The following CEACAM1 variants were observed in gnomAD, a reference collection of about 807,000 sequenced individuals.
CEACAM1 encodes CEA cell adhesion molecule 1.
CEACAM1 carries 31 observed loss-of-function variants against 49.1 expected under a neutral mutation model. The observed-to-expected ratio is 0.63, with a 90% confidence interval of 0.47 to 0.85. The LOEUF is 0.85. Ranked by LOEUF, CEACAM1 falls within the 40% of genes least tolerant of loss-of-function variation. CEACAM1 has a pLI of 0.00. For missense variants in CEACAM1, 570 were observed against 645.3 expected, an observed-to-expected ratio of 0.88 and a Z score of 1.26; for synonymous variants, 244 against 247.8, an observed-to-expected ratio of 0.98 and a Z score of 0.14.
chr19:42,517,316 T>C (rs761174918), intron 5 of CEACAM1, among the ~76,000 whole-genome samples: 5 of 152,266 alleles, frequency 3.3e-5, no homozygotes, highest in Admixed American at 1.3e-4. Flanking sequence ...AAAGAAGAAG[T>C]AGAGAAATTG....
chr19:42,514,112 C>T (rs1189531000), intron 5 of CEACAM1, among the ~76,000 whole-genome samples: 1 of 148,220 alleles, frequency 6.7e-6, no homozygotes, highest in Non-Finnish European at 1.5e-5. Flanking sequence ...CATGCCACCA[C>T]ACCTGGCTAA....
intron 2 of CEACAM1, among the ~76,000 whole-genome samples, chr19:42,523,010 C>G (rs2041797713): frequency 1.3e-5 from 2 of 152,226 alleles, no homozygotes; most frequent in South Asian, 4.1e-4. Flanking sequence ...GTGAACTGAG[C>G]AGCAGTGTTG....
intron 4 of CEACAM1, 23 bp downstream of exon 4, chr19:42,521,244 T>C: frequency 1.2e-6 from 2 of 1,611,462 alleles, no homozygotes; most frequent in Non-Finnish European, 1.7e-6. Flanking sequence ...GATCTTAGTG[T>C]TGATGCTCCA....
intron 5 of CEACAM1, 166 bp downstream of exon 5, chr19:42,518,782 G>C: frequency 1.3e-6 from 1 of 787,332 alleles, no homozygotes; most frequent in Non-Finnish European, 2.1e-6. Context: ...TTACAGGCGT[G>C]AGCCACTGTG....
At chr19:42,521,843 G>C in intron 3 of CEACAM1, 81 bp downstream of exon 3, 2 of 1,606,880 alleles carry the variant, frequency 1.2e-6, no homozygotes, top group Non-Finnish European at 1.7e-6. Context: ...CCTTAGACCT[G>C]AGAGGGACTG....
intron 4 of CEACAM1, 51 bp from the exon 5 acceptor site, chr19:42,519,286 C>T (rs377735115): frequency 9.7e-5 from 154 of 1,582,576 alleles, no homozygotes; most frequent in Non-Finnish European, 1.3e-4. Flanking sequence ...AGGGTTGGGG[C>T]CTGGGGCCTA....
At chr19:42,509,522 G>T (rs894980427) in intron 8 of CEACAM1, among the ~76,000 whole-genome samples, 1 of 152,158 alleles carries the variant, frequency 6.6e-6, no homozygotes, top group African/African-American at 2.4e-5. Flanking sequence ...CCACATATAA[G>T]GATATGTTTT....
In CEACAM1 at chr19:42,521,495, G is replaced by A; in HGVS notation, c.730C>T (p.Pro244Ser). ...TYGPDTPTIS[P>S]SDTYYRPGAN... ...CCTGGACGGTAATAGGTGTCTGAAGGGGAAATGGTGGGGGTGTCCGGGCCA... is the reference window on the plus strand; with the variant it reads ...CCTGGACGGTAATAGGTGTCTGAAGAGGAAATGGTGGGGGTGTCCGGGCCA... The change falls in exon 4 of 9, where the codon CCT (proline) becomes TCT (serine). Residue 244 changes from proline to serine, a missense_variant. Transcript: ENST00000161559. The A allele has an allele frequency of 6.2e-7, 1 of 1,614,082 alleles. No homozygotes were observed. The highest frequency in any genetic ancestry group is 8.5e-7 in the Non-Finnish European group (1 of 1,179,990).
At chr19:42,511,802 T>C (rs1029967173) in intron 6 of CEACAM1, among the ~76,000 whole-genome samples, 174 bp from the exon 7 acceptor site, 1 of 152,232 alleles carries the variant, frequency 6.6e-6, no homozygotes, top group Admixed American at 6.5e-5. Flanking sequence ...TGTTTACTCT[T>C]TTCCTGTTTG....
intron 1 of CEACAM1, chr19:42,527,718 A>G (rs1042132491): frequency 1.4e-4 from 41 of 289,050 alleles, no homozygotes; most frequent in African/African-American, 8.6e-4. Context: ...CACCTCCCCT[A>G]GAGACCCTGG....
chr19:42,509,511 G>A (rs2041402820), intron 8 of CEACAM1, among the ~76,000 whole-genome samples: 1 of 152,150 alleles, frequency 6.6e-6, no homozygotes, highest in Non-Finnish European at 1.5e-5. Flanking sequence ...TGTTGAAGAA[G>A]CCACATATAA....
At chr19:42,526,385 C>T (rs1274831437) in intron 2 of CEACAM1, among the ~76,000 whole-genome samples, 1 of 152,198 alleles carries the variant, frequency 6.6e-6, no homozygotes, top group Non-Finnish European at 1.5e-5. Flanking sequence ...TATGGCATCT[C>T]CTAAGCCCCC....
chr19:42,522,185 A>G lies in CEACAM1; in HGVS notation c.442T>C (p.Ser148Pro), dbSNP rs150626138. The G allele has an allele frequency of 2.3e-4, 364 of 1,614,114 alleles. No homozygotes were observed. The highest frequency in any genetic ancestry group is 2.8e-4 in the Non-Finnish European group (332 of 1,180,050). Residue 148 changes from serine (S) to proline (P), a missense_variant, in exon 3 of 9, where the codon TCC becomes CCC. Transcript: ENST00000161559. ...GGGTTGGAGTTGTTGCTGGAGATGG[A>G]GGGCTTGGGCAGCTCCGCTATGCAG... ...FHVYPELPKPSISSNNSNPVE... is the reference protein window; with the variant it reads ...FHVYPELPKPPISSNNSNPVE...
chr19:42,528,426 G>C lies in CEACAM1; in HGVS notation c.-52C>G. ...CCTGTGGAGGAGAGCTTGGGCTCCA[G>C]GAACGCTTCGAGCACGGCTGCTCTG... On this transcript the variant is annotated 5_prime_UTR_variant, in exon 1 of 9. Coordinates refer to ENST00000161559, the MANE Select transcript of CEACAM1 (RefSeq NM_001712.5). The C allele has an allele frequency of 6.4e-7, 1 of 1,573,870 alleles. No homozygotes were observed. Among genetic ancestry groups the C allele is most frequent in the Non-Finnish European group, 8.7e-7 (1 of 1,143,756 alleles).
chr19:42,512,227 A>G, intron 6 of CEACAM1, 123 bp downstream of exon 6: 7 of 1,115,422 alleles, frequency 6.3e-6, no homozygotes, highest in East Asian at 2.4e-5. Flanking sequence ...TAGTGCCGAG[A>G]AGCAGGAGTT....
intron 2 of CEACAM1, among the ~76,000 whole-genome samples, chr19:42,523,967 C>T (rs1166301771): frequency 2.0e-5 from 3 of 152,044 alleles, no homozygotes; most frequent in Non-Finnish European, 1.5e-5. Context: ...AAGAGAGAAA[C>T]GATGCCATAT....
At chr19:42,513,647 C>T (rs1441437117) in intron 5 of CEACAM1, among the ~76,000 whole-genome samples, 1 of 150,850 alleles carries the variant, frequency 6.6e-6, no homozygotes, top group African/African-American at 2.4e-5. Context: ...TCCTTCCTCT[C>T]TTTCTCTTCC....
chr19:42,516,505 A>G (rs1038493768), intron 5 of CEACAM1, among the ~76,000 whole-genome samples: 5 of 152,228 alleles, frequency 3.3e-5, no homozygotes, highest in African/African-American at 1.2e-4. Context: ...TAAATAAGAC[A>G]TAAATTGAAA....
chr19:42,522,776 G>A (rs1469008746), intron 2 of CEACAM1, among the ~76,000 whole-genome samples: 2 of 151,786 alleles, frequency 1.3e-5, no homozygotes, highest in African/African-American at 2.4e-5. Context: ...GGATGGTCTC[G>A]ACCTCCTGAC....
Sources: allele counts gnomAD v4.1 joint callset (sites outside exome capture counted in the v4.1 genomes callset), GRCh38; gene constraint gnomAD v4.1.1; transcripts MANE v1.5; gene names NCBI Gene and HGNC (gene_info 2026-07-23, HGNC 2026-07-21).